The following RFT1 variants were observed in gnomAD, a reference collection of about 807,000 sequenced individuals.
The protein encoded by RFT1 is RFT1 glycolipid translocator homolog.
In RFT1, 43 loss-of-function variants were observed where a neutral mutation model predicts 62.2. That is an observed-to-expected ratio of 0.69 (90% confidence interval 0.54 to 0.89). The LOEUF is 0.89. RFT1 is among the 40% of genes least tolerant of loss of function. The pLI is 0.00. For synonymous variants in RFT1, 262 were observed against 264.6 expected (o/e 0.99, Z 0.10); for missense variants, 605 against 649.9 (o/e 0.93, Z 0.75).
chr3:53,095,223 A>T (rs1431950504), intron 11 of RFT1, among the ~76,000 whole-genome samples: 1 of 152,136 alleles, frequency 6.6e-6, no homozygotes, highest in Non-Finnish European at 1.5e-5. Flanking sequence ...AGATCACGCC[A>T]CTGTACTCCA....
chr3:53,070,130 A>G, the RFT1 span, among the ~76,000 whole-genome samples: 3 of 152,212 alleles, frequency 2.0e-5, no homozygotes, highest in African/African-American at 4.8e-5. Context: ...AAAGGAGAAA[A>G]TAAGTCTGGG....
intron 6 of RFT1, among the ~76,000 whole-genome samples, chr3:53,116,496 G>A (rs1701803641): frequency 6.6e-6 from 1 of 151,302 alleles, no homozygotes; most frequent in Admixed American, 6.6e-5. Context: ...TTCTTACCAT[G>A]TTTCCCAGGC....
chr3:53,074,295 C>T, the RFT1 span, among the ~76,000 whole-genome samples: 1 of 152,198 alleles, frequency 6.6e-6, no homozygotes. Flanking sequence ...TTCTTCTGCT[C>T]CTAGTTCTCA....
chr3:53,068,701 G>A, the RFT1 span, among the ~76,000 whole-genome samples: 19 of 152,298 alleles, frequency 1.2e-4, no homozygotes, highest in East Asian at 2.9e-3. Flanking sequence ...AAAGGGAAGC[G>A]AGAAAATACA....
chr3:53,120,842 C>T (rs1701948739), intron 5 of RFT1, among the ~76,000 whole-genome samples: 1 of 152,184 alleles, frequency 6.6e-6, no homozygotes, highest in African/African-American at 2.4e-5. Context: ...TAGGTGTGGG[C>T]CCCTCTGCTC....
chr3:53,102,018 T>C (rs1272896496), intron 10 of RFT1, among the ~76,000 whole-genome samples: 6 of 150,082 alleles, frequency 4.0e-5, no homozygotes, highest in Non-Finnish European at 8.9e-5. Context: ...GCCTGGGTGA[T>C]AGAGTGAGAC....
At chr3:53,106,137 G>A (rs1701465741) in intron 8 of RFT1, among the ~76,000 whole-genome samples, 2 of 152,142 alleles carry the variant, frequency 1.3e-5, no homozygotes, top group African/African-American at 4.8e-5. Context: ...GGAGGCTGAG[G>A]TGGGAGGATC....
rs757265912 is a variant in RFT1 at position 53,125,968 on chromosome 3, G to A, written c.90C>T (p.Val30=). 1 of 1,613,694 alleles carries A rather than the reference G, an allele frequency of 6.2e-7. No homozygotes were observed. The highest frequency in any genetic ancestry group is 8.5e-7 in the Non-Finnish European group (1 of 1,179,738). The change falls in exon 2 of 13, where the codon GTC becomes GTT. Residue 30 remains valine, a synonymous_variant. Transcript: ENST00000296292. Reference sequence around the variant, plus strand: ...GGAAGCGAAGAATAAATGCATTCAAGACAAAGGTGATCAACCGAAACAACA... The same window carrying A: ...GGAAGCGAAGAATAAATGCATTCAAAACAAAGGTGATCAACCGAAACAACA... ...LQVLFRLITF[V]LNAFILRFLS...
At chr3:53,123,973 C>G in intron 2 of RFT1, 133 bp from the exon 3 acceptor site, 1 of 710,784 alleles carries the variant, frequency 1.4e-6, no homozygotes, top group Admixed American at 2.1e-5. Context: ...AGGCAGTGGG[C>G]TCTTACAGGA....
At chr3:53,108,714 T>G (rs1346238890) in intron 7 of RFT1, among the ~76,000 whole-genome samples, 1 of 151,146 alleles carries the variant, frequency 6.6e-6, no homozygotes, top group African/African-American at 2.4e-5. Context: ...TTTTTTTTTT[T>G]TTTGAGACAG....
At chr3:53,105,125 G>A (rs1482184451) in intron 9 of RFT1, among the ~76,000 whole-genome samples, 1 of 152,230 alleles carries the variant, frequency 6.6e-6, no homozygotes, top group African/African-American at 2.4e-5. Context: ...CAAGAGTAAG[G>A]TCACATGGCC....
At chr3:53,087,096 G>C (rs1161406799), downstream of RFT1, among the ~76,000 whole-genome samples, 1 of 152,232 alleles carries the variant, frequency 6.6e-6, no homozygotes, top group Non-Finnish European at 1.5e-5. Flanking sequence ...AAATTAGCCA[G>C]GTGTGGTGGT....
At chr3:53,070,111 G>C in the RFT1 span, among the ~76,000 whole-genome samples, 15 of 152,156 alleles carry the variant, frequency 9.9e-5, no homozygotes, top group Non-Finnish European at 8.8e-5. Context: ...AACTGCAGTG[G>C]TTGGGGATAA....
chr3:53,095,983 C>CA (rs1701128231), intron 11 of RFT1, among the ~76,000 whole-genome samples: 3 of 152,166 alleles, frequency 2.0e-5, no homozygotes. Flanking sequence ...TGGGCCTTTA[C>CA]ACAACTGATC....
the RFT1 span, among the ~76,000 whole-genome samples, chr3:53,073,731 G>A: frequency 6.6e-6 from 1 of 152,174 alleles, no homozygotes; most frequent in Non-Finnish European, 1.5e-5. Context: ...AGAGGTGGCC[G>A]GTGAGAGCCT....
intron 11 of RFT1, among the ~76,000 whole-genome samples, chr3:53,098,602 A>T (rs1478286473): frequency 6.6e-6 from 1 of 152,186 alleles, no homozygotes; most frequent in Admixed American, 6.5e-5. Context: ...GGAGATCGAG[A>T]CCAACCTGGC....
intron 11 of RFT1, among the ~76,000 whole-genome samples, chr3:53,095,372 T>C (rs1575480808): frequency 2.0e-5 from 3 of 152,254 alleles, no homozygotes; most frequent in South Asian, 2.1e-4. Flanking sequence ...TGAATACTTA[T>C]TTCTCCATGG....
At chr3:53,126,327 T>C (rs1702110000) in intron 1 of RFT1, among the ~76,000 whole-genome samples, 1 of 152,314 alleles carries the variant, frequency 6.6e-6, no homozygotes, top group Admixed American at 6.5e-5. Context: ...GAATTCTAGT[T>C]AGTGGTTCAC....
intron 6 of RFT1, among the ~76,000 whole-genome samples, chr3:53,112,766 T>TC (rs1186753214): frequency 6.6e-6 from 1 of 151,712 alleles, no homozygotes; most frequent in African/African-American, 2.4e-5. Flanking sequence ...TAAATAAAAC[T>TC]CCCAGCGGCA....
Sources: gnomAD v4.1 joint callset for allele counts (sites outside exome capture counted in the v4.1 genomes callset) on GRCh38, gnomAD v4.1.1 for gene constraint, MANE v1.5 for transcripts, NCBI Gene and HGNC (gene_info 2026-07-23, HGNC 2026-07-21) for gene names.